The following SPINK5 variants were observed in gnomAD, a reference collection of about 807,000 sequenced individuals.
SPINK5 encodes serine protease inhibitor Kazal-type 5.
Under a neutral mutation model 151.8 loss-of-function variants are expected in SPINK5, and 125 were observed. The observed-to-expected ratio is 0.82, with a 90% CI of 0.71 to 0.96. The LOEUF (loss-of-function observed/expected upper bound fraction) is 0.96. Among genes scored for constraint, SPINK5 ranks in the 40% least tolerant of loss-of-function variants. The probability of loss-of-function intolerance (pLI) is 0.00; values close to 1 mark genes in which losing one functional copy is unlikely to be tolerated. For synonymous variants in SPINK5, 374 were observed against 395.3 expected, an observed-to-expected ratio of 0.95 and a Z score of 0.64; for missense variants, 1,194 against 1,291.9, an observed-to-expected ratio of 0.92 and a Z score of 1.16.
intron 4 of SPINK5, among the ~76,000 whole-genome samples, chr5:148,085,127 A>C (rs1431621091): frequency 6.6e-6 from 1 of 151,820 alleles, no homozygotes; most frequent in African/African-American, 2.4e-5. Flanking sequence ...TCTTATTTTC[A>C]ATGTATTTTT....
In SPINK5 at chr5:148,116,415, G is replaced by A. The variant is rs36111383; in HGVS notation, c.2061G>A (p.Gln687=). Residue 687 remains glutamine (Q), a synonymous_variant, in exon 22 of 33, where the codon CAG becomes CAA. Coordinates refer to ENST00000256084, the MANE Select transcript of SPINK5 (RefSeq NM_006846.4). ...GAAAGAGGAAAGAAGAGGAAGATCA[G>A]AGAAATGCTGCAGGACATGGTTCCA... ...EERKRKEEED[Q]RNAAGHGSSG... is the part of the protein sequence containing the mutation. 935 of 1,614,178 alleles carry A rather than the reference G, an allele frequency of 5.8e-4. 4 individuals are homozygous for A. The African/African-American group carries it at 0.011, about 19-fold the overall frequency.
chr5:148,074,484 T>C (rs1436165771), intron 4 of SPINK5, among the ~76,000 whole-genome samples: 1 of 151,652 alleles, frequency 6.6e-6, no homozygotes, highest in African/African-American at 2.4e-5. Flanking sequence ...CTTTATAGAA[T>C]ATTAAGTTCA....
intron 7 of SPINK5, 91 bp downstream of exon 7, chr5:148,089,712 T>G: frequency 6.3e-7 from 1 of 1,583,948 alleles, no homozygotes; most frequent in Non-Finnish European, 8.7e-7. Flanking sequence ...ATCCTTTTCA[T>G]GAAGCATGCA....
chr5:148,115,455 A>T (rs1174416036), intron 21 of SPINK5, among the ~76,000 whole-genome samples: 2 of 152,180 alleles, frequency 1.3e-5, no homozygotes, highest in African/African-American at 4.8e-5. Context: ...AAAGAGAAAG[A>T]AAGTACTAAA....
At chr5:148,087,975 T>A (rs1402042084) in intron 5 of SPINK5, among the ~76,000 whole-genome samples, 3 of 151,898 alleles carry the variant, frequency 2.0e-5, no homozygotes, top group African/African-American at 7.2e-5. Flanking sequence ...TTACAGATGT[T>A]ATCATTGTAA....
chr5:148,124,053 C>T (rs1754365698), intron 27 of SPINK5, 93 bp downstream of exon 27: 1 of 1,407,656 alleles, frequency 7.1e-7, no homozygotes, highest in Non-Finnish European at 9.8e-7. Flanking sequence ...TACTTGGCAT[C>T]ACACATTAAT....
chr5:148,098,442 A>G (rs558603765), intron 11 of SPINK5, among the ~76,000 whole-genome samples: 12 of 152,070 alleles, frequency 7.9e-5, no homozygotes, highest in East Asian at 1.9e-4. Context: ...ATATTTCTCA[A>G]TAAGTTAGAA....
intron 29 of SPINK5, 117 bp from the exon 30 acceptor site, chr5:148,126,866 A>T: frequency 1.2e-6 from 1 of 822,498 alleles, no homozygotes; most frequent in Non-Finnish European, 1.9e-6. Context: ...TGCTGGGGTT[A>T]CAGGCGTGAA....
At chr5:148,076,588 GA>G in intron 4 of SPINK5, among the ~76,000 whole-genome samples, 1 of 151,764 alleles carries the variant, frequency 6.6e-6, no homozygotes, top group South Asian at 2.1e-4. Flanking sequence ...CCATACTCAA[GA>G]AAAATAATTA....
At chr5:148,119,314 G>A (rs1481999979) in intron 24 of SPINK5, among the ~76,000 whole-genome samples, 1 of 152,110 alleles carries the variant, frequency 6.6e-6, no homozygotes, top group Non-Finnish European at 1.5e-5. Flanking sequence ...CAACAGCCTG[G>A]TCAAATTTGG....
In SPINK5 at chr5:148,109,012, T is replaced by C. The variant is rs3815741; in HGVS notation, c.1692+175T>C. Among the ~76,000 whole-genome samples, 22,276 of 152,140 alleles carry C rather than the reference T, an allele frequency of 0.15. 2,159 individuals are homozygous for C. The highest frequency in any genetic ancestry group is 0.32 in the East Asian group (1,654 of 5,156). ...CCTTTCCTTATTCAATTTATTCACA[T>C]TAAATCTATTAATTGCTCGTGCAGG... On this transcript the variant is annotated intron_variant, in intron 18 of 32. Transcript: ENST00000256084.
chr5:148,129,513 ATG>A (rs948698600), intron 30 of SPINK5, among the ~76,000 whole-genome samples: 7 of 30,702 alleles, frequency 2.3e-4, no homozygotes, highest in South Asian at 8.3e-4. Context: ...TGTTAAAAAA[ATG>A]AAGAGAGAGA....
intron 32 of SPINK5, among the ~76,000 whole-genome samples, chr5:148,135,049 T>G (rs1339528906): frequency 6.6e-6 from 1 of 152,138 alleles, no homozygotes. Context: ...AGCCGAGGAC[T>G]GGAATGAAAT....
At chr5:148,095,727 A>G in intron 9 of SPINK5, 91 bp from the exon 10 acceptor site, 1 of 1,124,910 alleles carries the variant, frequency 8.9e-7, no homozygotes, top group Non-Finnish European at 1.3e-6. Context: ...AAAACTCAGG[A>G]CAACTTAGAT....
intron 22 of SPINK5, among the ~76,000 whole-genome samples, chr5:148,117,588 A>C (rs2400479): frequency 0.54 from 82,468 of 152,142 alleles, 23,516 homozygotes; most frequent in Admixed American, 0.64. Flanking sequence ...TAAGAACAGG[A>C]AGCAGGAAAG....
At chr5:148,121,959 A>C (rs1754278102) in intron 26 of SPINK5, among the ~76,000 whole-genome samples, 1 of 151,170 alleles carries the variant, frequency 6.6e-6, no homozygotes, top group Non-Finnish European at 1.5e-5. Context: ...CAGAGTAAGA[A>C]CTTGTCTTAA....
intron 4 of SPINK5, among the ~76,000 whole-genome samples, chr5:148,072,580 T>C (rs1581051788): frequency 6.6e-6 from 1 of 152,026 alleles, no homozygotes; most frequent in Non-Finnish European, 1.5e-5. Flanking sequence ...TTCTTATTGC[T>C]TGTGTAACTT....
intron 26 of SPINK5, among the ~76,000 whole-genome samples, chr5:148,121,963 G>A (rs1368977987): frequency 6.7e-6 from 1 of 150,270 alleles, no homozygotes; most frequent in Admixed American, 6.6e-5. Flanking sequence ...GTAAGAACTT[G>A]TCTTAAAAAA....
At chr5:148,115,346 C>T (rs1199222638) in intron 21 of SPINK5, among the ~76,000 whole-genome samples, 1 of 152,154 alleles carries the variant, frequency 6.6e-6, no homozygotes, top group East Asian at 1.9e-4. Context: ...GTCAATTCTA[C>T]ATGTAATGGG....
Sources: gnomAD v4.1 joint callset for allele counts (sites outside exome capture counted in the v4.1 genomes callset) on GRCh38, gnomAD v4.1.1 for gene constraint, MANE v1.5 for transcripts, NCBI Gene and HGNC (gene_info 2026-07-23, HGNC 2026-07-21) for gene names.